Variants in AMD1 observed in about 807,000 individuals in gnomAD.
AMD1 encodes adenosylmethionine decarboxylase 1, also known as S-adenosylmethionine decarboxylase proenzyme.
Under a neutral mutation model 40.2 loss-of-function variants are expected in AMD1, and 11 were observed. The observed-to-expected ratio is 0.27, with a 90% CI of 0.17 to 0.45. The LOEUF is 0.45. Among genes scored for constraint, AMD1 ranks in the 20% least tolerant of loss-of-function variants. The probability of loss-of-function intolerance (pLI) is 1.00; values close to 1 mark genes in which losing one functional copy is unlikely to be tolerated. For missense variants in AMD1, 257 were observed against 410.2 expected (o/e 0.63, Z 3.23); for synonymous variants, 121 against 130.8 (o/e 0.93, Z 0.51).
the AMD1 span, among the ~76,000 whole-genome samples, chr6:110,832,860 A>T: frequency 6.6e-6 from 1 of 152,068 alleles, no homozygotes; most frequent in Non-Finnish European, 1.5e-5. Context: ...TCACTCTGTC[A>T]CCCAGGCTGG....
the AMD1 span, among the ~76,000 whole-genome samples, chr6:110,839,236 C>A: frequency 6.6e-6 from 1 of 152,118 alleles, no homozygotes. Context: ...TTTCTACACA[C>A]TGAATGATAG....
the AMD1 span, among the ~76,000 whole-genome samples, chr6:110,819,177 GA>G: frequency 6.6e-6 from 1 of 152,138 alleles, no homozygotes; most frequent in Admixed American, 6.5e-5. Context: ...AATCAACACG[GA>G]GAAACCCCGT....
intron 1 of AMD1, among the ~76,000 whole-genome samples, chr6:110,881,672 T>A (rs2115284444): frequency 6.6e-6 from 1 of 151,728 alleles, no homozygotes; most frequent in South Asian, 2.1e-4. Context: ...AAAAAAAAAA[T>A]TAGCCTGACA....
chr6:110,848,954 C>T, the AMD1 span, among the ~76,000 whole-genome samples: 1 of 152,162 alleles, frequency 6.6e-6, no homozygotes, highest in African/African-American at 2.4e-5. Context: ...TGCACTGAGC[C>T]TTGATGGCAC....
At chr6:110,814,685 G>C in the AMD1 span, 2 of 548,122 alleles carry the variant, frequency 3.6e-6, no homozygotes, top group Non-Finnish European at 7.0e-6. Context: ...TCCCCCAAGA[G>C]ACTAGACCCC....
At chr6:110,828,659 G>A in the AMD1 span, among the ~76,000 whole-genome samples, 1 of 152,138 alleles carries the variant, frequency 6.6e-6, no homozygotes, top group Non-Finnish European at 1.5e-5. Flanking sequence ...AAATGCTTAT[G>A]CCCTTCATCA....
At chr6:110,847,102 AT>A in the AMD1 span, among the ~76,000 whole-genome samples, 1 of 151,628 alleles carries the variant, frequency 6.6e-6, no homozygotes, top group Non-Finnish European at 1.5e-5. Flanking sequence ...AAATTTATAA[AT>A]TTATTGCAAG....
At chr6:110,826,265 C>T in the AMD1 span, among the ~76,000 whole-genome samples, 50 of 129,968 alleles carry the variant, frequency 3.8e-4, no homozygotes, top group Non-Finnish European at 6.4e-5. Context: ...GAGGGAGACA[C>T]CATCCCAAAA....
At chr6:110,851,255 C>T in the AMD1 span, among the ~76,000 whole-genome samples, 26 of 152,020 alleles carry the variant, frequency 1.7e-4, no homozygotes, top group Admixed American at 1.5e-3. Flanking sequence ...CATGAGCCAC[C>T]ACGCCCGGCC....
Position 110,875,043 on chromosome 6 carries a change from G to A in AMD1, c.-63G>A. 1 of 1,319,560 alleles carries A rather than the reference G, an allele frequency of 7.6e-7. No individual in the cohort carries two copies. The highest frequency in any genetic ancestry group is 1.1e-6 in the Non-Finnish European group (1 of 940,536). 81.7% of individuals were successfully genotyped at this position (1,319,560 alleles called of 1,614,324 possible). On this transcript the variant is annotated 5_prime_UTR_variant, in exon 1 of 9. Transcript: ENST00000368885. ...AATCCGCAGCGGCGGCGGCAGCGGCGGGAGAAGAGGTTTAATTTAGTTGAT... is the reference window on the plus strand; with the variant it reads ...AATCCGCAGCGGCGGCGGCAGCGGCAGGAGAAGAGGTTTAATTTAGTTGAT...
chr6:110,843,770 G>A, the AMD1 span, among the ~76,000 whole-genome samples: 2 of 151,628 alleles, frequency 1.3e-5, no homozygotes, highest in African/African-American at 2.4e-5. Flanking sequence ...AGTTTTTTTT[G>A]TACCGGTGGG....
At chr6:110,864,997 G>C in the AMD1 span, among the ~76,000 whole-genome samples, 1 of 152,174 alleles carries the variant, frequency 6.6e-6, no homozygotes, top group South Asian at 2.1e-4. Flanking sequence ...AAAACAAAAG[G>C]CAACCGAATA....
At position 110,875,160 on chromosome 6, in the gene AMD1, T is replaced by C; in HGVS notation, c.55T>C (p.Ser19Pro). The C allele has an allele frequency of 6.2e-7, 1 of 1,613,290 alleles. No homozygotes were observed. Among genetic ancestry groups the C allele is most frequent in the Non-Finnish European group, 8.5e-7 (1 of 1,179,720 alleles). The change falls in exon 1 of 9, where the codon TCC (serine) becomes CCC (proline). Residue 19 changes from serine to proline, a missense_variant. Physicochemically the swap from Ser to Pro is moderately conservative, Grantham distance 74. Coordinates refer to ENST00000368885, the MANE Select transcript of AMD1 (RefSeq NM_001634.6). ...CGAGAAGCTGCTGGAGGTTTGGTTC[T>C]CCCGGCAGCAGCCCGACGCAAACCA... ...GTEKLLEVWF[S>P]RQQPDANQGS... is the part of the protein sequence containing the mutation.
the AMD1 span, among the ~76,000 whole-genome samples, chr6:110,834,743 G>A: frequency 6.6e-6 from 1 of 151,910 alleles, no homozygotes; most frequent in Non-Finnish European, 1.5e-5. Context: ...CAGATCACAA[G>A]GTCAAGAGAT....
At chr6:110,849,556 A>G in the AMD1 span, among the ~76,000 whole-genome samples, 1 of 152,194 alleles carries the variant, frequency 6.6e-6, no homozygotes, top group Non-Finnish European at 1.5e-5. Flanking sequence ...AAATCACAAC[A>G]TGGAATTCCT....
At chr6:110,846,240 A>G in the AMD1 span, among the ~76,000 whole-genome samples, 3 of 152,320 alleles carry the variant, frequency 2.0e-5, no homozygotes, top group East Asian at 5.8e-4. Context: ...GTCTCAAACA[A>G]CAACAACAAC....
At chr6:110,825,451 C>G in the AMD1 span, among the ~76,000 whole-genome samples, 3 of 152,176 alleles carry the variant, frequency 2.0e-5, no homozygotes, top group Admixed American at 1.3e-4. Flanking sequence ...ATATGTTAAA[C>G]CACCTCTGCT....
rs376052513 is a variant in AMD1 at position 110,876,462 on chromosome 6, TC to T, written c.110+1250del. Among the ~76,000 whole-genome samples, 230 of 152,270 alleles carry T rather than the reference TC, an allele frequency of 1.5e-3. 1 individual carries two copies. Among genetic ancestry groups the T allele is most frequent in the African/African-American group, 5.3e-3 (221 of 41,542 alleles). On this transcript the variant is annotated intron_variant, in intron 1 of 8. Transcript: ENST00000368885. ...GGAGTGTTAGCTGTTCTTGGAGCTG[TC>T]CCTTGACAAAAAGCAACTGGAAAAG...
chr6:110,815,201 C>T, the AMD1 span: 1 of 1,454,324 alleles, frequency 6.9e-7, no homozygotes. Context: ...TCCTCCTCCT[C>T]CCCCCGCGAC....
Sources: allele counts gnomAD v4.1 joint callset (sites outside exome capture counted in the v4.1 genomes callset), GRCh38; gene constraint gnomAD v4.1.1; transcripts MANE v1.5; gene names NCBI Gene and HGNC (gene_info 2026-07-23, HGNC 2026-07-21).